The following ART4 variants were observed in gnomAD, a reference collection of about 807,000 sequenced individuals.
ART4 encodes ecto-ADP-ribosyltransferase 4.
In ART4, 14 loss-of-function variants were observed where a neutral mutation model predicts 24.2. The ratio of observed to expected loss-of-function variants is 0.58; its 90% CI spans 0.38 to 0.90. The LOEUF is 0.90. Ranked by LOEUF, ART4 falls within the 40% of genes least tolerant of loss-of-function variation. The pLI is 0.00. For missense variants in ART4, 356 were observed against 366.6 expected (o/e 0.97, Z 0.24); for synonymous variants, 145 against 139.9 (o/e 1.04, Z -0.26).
At chr12:14,830,645 GTATGTATATATATATATATATATATA>G (rs1461346365) in intron 2 of ART4, among the ~76,000 whole-genome samples, 1 of 40,136 alleles carries the variant, frequency 2.5e-5, no homozygotes, top group Non-Finnish European at 4.6e-5. Context: ...TGTACTGTAT[GTATGTATATATATATATATATATATA>G]TATATATATA....
intron 2 of ART4, among the ~76,000 whole-genome samples, chr12:14,832,696 A>G (rs1950404808): frequency 6.6e-6 from 1 of 152,222 alleles, no homozygotes; most frequent in South Asian, 2.1e-4. Context: ...AGCTGCTATT[A>G]TGATGATACC....
intron 2 of ART4, among the ~76,000 whole-genome samples, chr12:14,836,872 T>C (rs1950434610): frequency 2.0e-5 from 3 of 152,148 alleles, no homozygotes. Flanking sequence ...CCTCTTCACT[T>C]CAATTTATAA....
At position 14,828,713 on chromosome 12, in the gene ART4, A is replaced by T. The variant is rs945633624; in HGVS notation, c.*658T>A. The T allele has an allele frequency of 1.3e-5, 2 of 152,204 alleles. No homozygotes were observed. Among genetic ancestry groups the T allele is most frequent in the African/African-American group, 4.8e-5 (2 of 41,458 alleles). 9.4% of individuals were successfully genotyped at this position (152,204 alleles called of 1,614,324 possible). A position where few individuals can be genotyped will look rare whatever the true frequency, so the allele number is the denominator to read the frequency against. On this transcript the variant is annotated 3_prime_UTR_variant, in exon 3 of 3. Coordinates refer to ENST00000228936, the MANE Select transcript of ART4 (RefSeq NM_021071.4). The stretch of plus-strand genomic sequence containing the variant: ...ATCTAATTCAAATTATGCAAGCAAA[A>T]ACATAAATTATTGATTTATGTAATG...
chr12:14,832,840 GTAAC>G (rs1200070756), intron 2 of ART4, among the ~76,000 whole-genome samples: 3 of 152,118 alleles, frequency 2.0e-5, no homozygotes, highest in East Asian at 1.9e-4. Flanking sequence ...TCAGGTTAAA[GTAAC>G]TAACTCTGTT....
At chr12:14,841,343 G>T (rs1863049567) in intron 1 of ART4, 190 bp from the exon 2 acceptor site, 1 of 507,372 alleles carries the variant, frequency 2.0e-6, no homozygotes, top group Non-Finnish European at 3.3e-6. Flanking sequence ...ATTGAATTTG[G>T]TTTGATAAAT....
Position 14,842,650 on chromosome 12 carries a change from C to T in ART4, c.144+320G>A, listed in dbSNP as rs151080697. Among the ~76,000 whole-genome samples the T allele has an allele frequency of 4.5e-3, 681 of 152,232 alleles. 6 individuals carry two copies. Among genetic ancestry groups the T allele is most frequent in the African/African-American group, 0.016 (655 of 41,530 alleles). ...CTTAAAACTTAAGTCAATCTGTATG[C>T]TAGAGTTTAAAGCCAAATAGACTTG... On this transcript the variant is annotated intron_variant, in intron 1 of 2. Transcript: ENST00000228936.
At position 14,838,777 on chromosome 12, in the gene ART4, C is replaced by T. The variant is rs550576083; in HGVS notation, c.853+1668G>A. 5.9e-5 allele frequency among the ~76,000 whole-genome samples: 9 copies of T among 152,156 alleles called. No homozygotes were observed. The East Asian group carries it at 1.2e-3, about 20-fold the overall frequency. On this transcript the variant is annotated intron_variant, in intron 2 of 2. Transcript: ENST00000228936. ...CTGAAATGTTGAGAAATGCTGAGAGCCTGAATTATAAATCATAGCAATAAT... is the reference window on the plus strand; with the variant it reads ...CTGAAATGTTGAGAAATGCTGAGAGTCTGAATTATAAATCATAGCAATAAT...
At chr12:14,835,687 CCT>C (rs2137301035) in intron 2 of ART4, among the ~76,000 whole-genome samples, 1 of 151,976 alleles carries the variant, frequency 6.6e-6, no homozygotes, top group South Asian at 2.1e-4. Flanking sequence ...CTCACTGCCA[CCT>C]CTGCCTCCTG....
intron 2 of ART4, among the ~76,000 whole-genome samples, chr12:14,833,475 C>T (rs1950409611): frequency 6.6e-6 from 1 of 152,236 alleles, no homozygotes; most frequent in Non-Finnish European, 1.5e-5. Flanking sequence ...ACGCAAATCC[C>T]TTAAGCTCTC....
chr12:14,841,159 A>AAAAAAG lies in ART4; in HGVS notation c.145-12_145-7dup. The AAAAAAG allele has an allele frequency of 6.4e-7, 1 of 1,565,188 alleles. No individual in the cohort carries two copies. Among genetic ancestry groups the AAAAAAG allele is most frequent in the Non-Finnish European group, 8.6e-7 (1 of 1,162,148 alleles). On this transcript the variant is annotated splice_polypyrimidine_tract_variant and splice_region_variant and intron_variant, in intron 1 of 2. Transcript: ENST00000228936. ...AAGTCGATTTTAATTGCAACCTGTA[A>AAAAAAG]AAAAAGAAAAATCTTGAGTTTAATT... is the stretch of plus-strand genomic sequence containing the variant.
chr12:14,825,721 G>GAAT lies in ART4; in HGVS notation c.*3647_*3649dup, dbSNP rs530803500. The GAAT allele has an allele frequency of 1.7e-3, 257 of 152,222 alleles. No individual in the cohort carries two copies. Among genetic ancestry groups the GAAT allele is most frequent in the African/African-American group, 5.8e-3 (240 of 41,534 alleles). The allele number at this position is 152,222 out of a possible 1,614,324, so 9.4% of individuals were successfully genotyped here. A position where few individuals can be genotyped will look rare whatever the true frequency, so the allele number is the denominator to read the frequency against. On this transcript the variant is annotated 3_prime_UTR_variant, in exon 3 of 3. Coordinates refer to ENST00000228936, the MANE Select transcript of ART4 (RefSeq NM_021071.4). The stretch of plus-strand genomic sequence containing the variant: ...CATATTATTAGACAACTCAGTACAA[G>GAAT]AATCCTGATTCTTCTAGCAAAACAA...
At position 14,840,446 on chromosome 12, in the gene ART4, T is replaced by G; in HGVS notation, c.852A>C (p.Lys284Asn). 1 of 1,601,606 alleles carries G rather than the reference T, an allele frequency of 6.2e-7. No individual in the cohort carries two copies. Among genetic ancestry groups the G allele is most frequent in the Non-Finnish European group, 8.5e-7 (1 of 1,175,408 alleles). The part of the protein sequence containing the change: ...NLSTYNCQLL[K>N]ASSKKCIPDP... The stretch of plus-strand genomic sequence containing the variant: ...GGCCTCAATTTAGATAAAGAATACC[T>G]TTTAGCAGCTGACAGTTATATGTGC... The change falls in exon 2 of 3, where the codon AAA (lysine) becomes AAC (asparagine). Residue 284 changes from lysine to asparagine, a missense_variant and splice_region_variant. Lys to Asn is a moderately conservative substitution (Grantham distance 94, BLOSUM62 0). Coordinates refer to ENST00000228936, the MANE Select transcript of ART4 (RefSeq NM_021071.4).
At chr12:14,831,439 A>AT (rs1305294564) in intron 2 of ART4, among the ~76,000 whole-genome samples, 1 of 145,146 alleles carries the variant, frequency 6.9e-6, no homozygotes, top group African/African-American at 2.6e-5. Flanking sequence ...TTTTTTTTGT[A>AT]TTTTTGGTAG....
chr12:14,842,833 A>G (rs1863073335), intron 1 of ART4, 137 bp downstream of exon 1: 2 of 1,125,936 alleles, frequency 1.8e-6, no homozygotes, highest in African/African-American at 3.1e-5. Flanking sequence ...ACTCTTTACT[A>G]ACATGATTTG....
chr12:14,829,158 C>A lies in ART4; in HGVS notation c.*213G>T. 1 of 361,908 alleles carries A rather than the reference C, an allele frequency of 2.8e-6. No individual in the cohort carries two copies. The highest frequency in any genetic ancestry group is 4.8e-6 in the Non-Finnish European group (1 of 206,320). The allele number at this position is 361,908 out of a possible 1,614,324, so 22.4% of individuals were successfully genotyped here. A position where few individuals can be genotyped will look rare whatever the true frequency, so the allele number is the denominator to read the frequency against. Reference sequence around the variant, plus strand: ...TGCTAGCTGGGCAGAGTGATTTCCCCAAGAGTACTTAGGGTGCCCAGATTG... The same window carrying A: ...TGCTAGCTGGGCAGAGTGATTTCCCAAAGAGTACTTAGGGTGCCCAGATTG... On this transcript the variant is annotated 3_prime_UTR_variant, in exon 3 of 3. Transcript: ENST00000228936.
intron 1 of ART4, among the ~76,000 whole-genome samples, chr12:14,842,314 G>T (rs527808687): frequency 6.6e-6 from 1 of 152,290 alleles, no homozygotes; most frequent in South Asian, 2.1e-4. Context: ...GGAACTTAAA[G>T]AACATCCCAT....
At chr12:14,840,182 T>C (rs1168190963) in intron 2 of ART4, among the ~76,000 whole-genome samples, 1 of 152,168 alleles carries the variant, frequency 6.6e-6, no homozygotes, top group East Asian at 1.9e-4. Context: ...TGCTCCACCT[T>C]CCAGTCAAGC....
rs534932871 is a variant in ART4, at chr12:14,825,782, AAAGT to A, written c.*3585_*3588del. On this transcript the variant is annotated 3_prime_UTR_variant, in exon 3 of 3. Transcript: ENST00000228936. ...AATTTTCTTTCATTGGATTTTTTTT[AAAGT>A]AAGAGTAAATAGAGAACTTCAGGAT... The A allele has an allele frequency of 7.2e-4, 110 of 152,300 alleles. 1 individual carries two copies. The highest frequency in any genetic ancestry group is 2.6e-3 in the African/African-American group (108 of 41,566). 9.4% of individuals were successfully genotyped at this position (152,300 alleles called of 1,614,324 possible).
rs757463795 is a variant in ART4 at position 14,843,039 on chromosome 12, C to G, written c.75G>C (p.Trp25Cys). The G allele has an allele frequency of 6.2e-7, 1 of 1,614,136 alleles. No individual in the cohort carries two copies. Among genetic ancestry groups the G allele is most frequent in the South Asian group, 1.1e-5 (1 of 91,072 alleles). Residue 25 changes from tryptophan to cysteine, a missense_variant, in exon 1 of 3, where the codon TGG (tryptophan) becomes TGC (cysteine). Transcript: ENST00000228936. ...GGAATGGCAGCAGGCCTCCAAGGAGCCAGATTCTCATCGTTGCAGGAGGTA... is the reference window on the plus strand; with the variant it reads ...GGAATGGCAGCAGGCCTCCAAGGAGGCAGATTCTCATCGTTGCAGGAGGTA... Reference protein sequence around the residue: ...TTVPPATMRIWLLGGLLPFLL... With the variant: ...TTVPPATMRICLLGGLLPFLL...
Sources: gnomAD v4.1 joint callset for allele counts (sites outside exome capture counted in the v4.1 genomes callset) on GRCh38, gnomAD v4.1.1 for gene constraint, MANE v1.5 for transcripts, NCBI Gene and HGNC (gene_info 2026-07-23, HGNC 2026-07-21) for gene names.